The following SERPINB12 variants were observed in gnomAD, a reference collection of about 807,000 sequenced individuals.
SERPINB12 encodes the protein serpin family B member 12, also known as serpin B12.
SERPINB12 carries 57 observed loss-of-function variants against 41.1 expected under a neutral mutation model. That is an observed-to-expected ratio of 1.39 (90% CI 1.12 to 1.73). The LOEUF (loss-of-function observed/expected upper bound fraction) is 1.73, where lower values mean the gene tolerates loss of function less well. SERPINB12 is among the 40% of genes most tolerant of loss of function. The probability of loss-of-function intolerance (pLI) is 0.00; values close to 1 mark genes in which losing one functional copy is unlikely to be tolerated. For missense variants in SERPINB12, 536 were observed against 501.9 expected, an observed-to-expected ratio of 1.07 and a Z score of -0.65; for synonymous variants, 180 against 181.3, an observed-to-expected ratio of 0.99 and a Z score of 0.06.
the SERPINB12 span, among the ~76,000 whole-genome samples, chr18:63,531,926 G>A: frequency 6.6e-6 from 1 of 152,178 alleles, no homozygotes; most frequent in Admixed American, 6.5e-5. Context: ...GTTTAGGGAT[G>A]ACTGTTACTT....
At chr18:63,529,210 G>A in the SERPINB12 span, among the ~76,000 whole-genome samples, 6 of 152,182 alleles carry the variant, frequency 3.9e-5, no homozygotes, top group African/African-American at 1.4e-4. Context: ...TTCAGGCAAG[G>A]GGAAGTTTTT....
At chr18:63,527,670 A>C in the SERPINB12 span, among the ~76,000 whole-genome samples, 1 of 152,120 alleles carries the variant, frequency 6.6e-6, no homozygotes, top group African/African-American at 2.4e-5. Flanking sequence ...AGTGTAGGCA[A>C]GTTGGTTTGC....
rs2144336496 is a variant in SERPINB12 at position 63,558,453 on chromosome 18, G to T, written c.270G>T (p.Gly90=). The change falls in exon 3 of 8, where the codon GGG becomes GGT. Residue 90 remains glycine, a synonymous_variant. Transcript: ENST00000382768. ...QKVLADSSLE[G]QKKTTEPLDQ... ...TGCTGGCTGACAGCTCTCTGGAGGG[G>T]CAGAAAAAAACGACAGAGCCTCTGG... is the stretch of plus-strand genomic sequence containing the variant. 1 of 1,613,174 alleles carries T rather than the reference G, an allele frequency of 6.2e-7. No individual in the cohort carries two copies. Among genetic ancestry groups the T allele is most frequent in the Non-Finnish European group, 8.5e-7 (1 of 1,179,636 alleles).
intron 5 of SERPINB12, among the ~76,000 whole-genome samples, 193 bp downstream of exon 5, chr18:63,561,395 C>T (rs923206369): frequency 4.6e-5 from 7 of 152,134 alleles, no homozygotes; most frequent in East Asian, 1.9e-4. Context: ...AGTTAAAAAA[C>T]GACAGATTCT....
At chr18:63,560,365 T>C (rs1426158764) in intron 4 of SERPINB12, among the ~76,000 whole-genome samples, 3 of 152,202 alleles carry the variant, frequency 2.0e-5, no homozygotes, top group Non-Finnish European at 2.9e-5. Flanking sequence ...CGTGACATGG[T>C]TGGTTAGAGC....
chr18:63,529,685 ATGTG>A, the SERPINB12 span, among the ~76,000 whole-genome samples: 1 of 149,960 alleles, frequency 6.7e-6, no homozygotes, highest in Non-Finnish European at 1.5e-5. Context: ...AGTGCTGTGT[ATGTG>A]TGTGTGTGTG....
At chr18:63,559,824 A>G in intron 4 of SERPINB12, 106 bp downstream of exon 4, 7 of 1,162,316 alleles carry the variant, frequency 6.0e-6, no homozygotes, top group Non-Finnish European at 7.5e-6. Flanking sequence ...AACCTCTTTG[A>G]CAGGATGATG....
chr18:63,523,924 G>A, the SERPINB12 span, among the ~76,000 whole-genome samples: 2 of 152,116 alleles, frequency 1.3e-5, no homozygotes, highest in Non-Finnish European at 2.9e-5. Context: ...CCAAGATATT[G>A]AATCTGAAAA....
upstream of SERPINB12, among the ~76,000 whole-genome samples, chr18:63,542,232 G>A (rs1487820134): frequency 1.2e-4 from 18 of 152,162 alleles, no homozygotes. Context: ...CTAAAGGAGT[G>A]ATAATGTAGA....
At chr18:63,521,376 C>T in the SERPINB12 span, among the ~76,000 whole-genome samples, 1 of 152,240 alleles carries the variant, frequency 6.6e-6, no homozygotes, top group South Asian at 2.1e-4. Context: ...TGGACCTGTC[C>T]CAGGTTGCTG....
At chr18:63,541,513 C>T (rs560491472), upstream of SERPINB12, among the ~76,000 whole-genome samples, 4 of 152,210 alleles carry the variant, frequency 2.6e-5, no homozygotes, top group African/African-American at 9.6e-5. Flanking sequence ...GAACTAAATG[C>T]CCTCAAAATA....
At chr18:63,552,888 T>C (rs1426188197) in intron 1 of SERPINB12, among the ~76,000 whole-genome samples, 5 of 152,254 alleles carry the variant, frequency 3.3e-5, no homozygotes, top group African/African-American at 7.2e-5. Flanking sequence ...TTATTTGCTA[T>C]GTTTTAGACT....
chr18:63,533,201 C>A, the SERPINB12 span, among the ~76,000 whole-genome samples: 1 of 152,164 alleles, frequency 6.6e-6, no homozygotes, highest in Non-Finnish European at 1.5e-5. Context: ...TGGTCTGGAA[C>A]CCCTAACCTC....
rs1394266834 is a variant in SERPINB12 at position 63,556,328 on chromosome 18, G to T, written c.168+1G>T. 1.2e-6 allele frequency: 2 copies of T among 1,613,268 alleles called. No homozygotes were observed. Among genetic ancestry groups the T allele is most frequent in the Non-Finnish European group, 1.7e-6 (2 of 1,179,522 alleles). On this transcript the variant is annotated splice_donor_variant, in intron 2 of 7. Coordinates refer to ENST00000382768, the MANE Select transcript of SERPINB12 (RefSeq NM_001307928.2). LOFTEE classifies it high-confidence loss of function. ...TGACAGTGCACATCAGATTGATGAG[G>T]TACGTGTCCACTAGGGTGCTACACA...
chr18:63,565,446 A>G lies in SERPINB12; in HGVS notation c.707A>G (p.Asn236Ser), dbSNP rs552119322. The change falls in exon 7 of 8, where the codon AAT (asparagine) becomes AGT (serine). Residue 236 changes from asparagine to serine, a missense_variant and splice_region_variant. Asn to Ser is a conservative substitution (Grantham distance 46). Coordinates refer to ENST00000382768, the MANE Select transcript of SERPINB12 (RefSeq NM_001307928.2). ...TVDAPFCLNA[N>S]ENKSVKMMTQ... Reference sequence around the variant, plus strand: ...GACCTCCTACCTTGACTACTACAGAATGAAAACAAGAGTGTGAAGATGATG... The same window carrying G: ...GACCTCCTACCTTGACTACTACAGAGTGAAAACAAGAGTGTGAAGATGATG... 1 of 1,612,622 alleles carries G rather than the reference A, an allele frequency of 6.2e-7. No individual in the cohort carries two copies. The highest frequency in any genetic ancestry group is 2.2e-5 in the East Asian group (1 of 44,848).
Position 63,567,968 on chromosome 18 carries a change from T to G in SERPINB12, c.*957T>G, listed in dbSNP as rs74430161. Among the ~76,000 whole-genome samples, 4,263 of 152,288 alleles carry G rather than the reference T, an allele frequency of 0.028. 277 individuals are homozygous for G. In the East Asian group the frequency reaches 0.29, roughly 10 times the overall value. On this transcript the variant is annotated 3_prime_UTR_variant, in exon 8 of 8. Coordinates refer to ENST00000382768, the MANE Select transcript of SERPINB12 (RefSeq NM_001307928.2). ...CTCTGCCTTCTGGCCACGTGGAGGC[T>G]GGCCTCCGTGTGCCCCTCTCTCTGC... is the stretch of plus-strand genomic sequence containing the variant.
chr18:63,550,379 A>G (rs1160000330), intron 1 of SERPINB12, among the ~76,000 whole-genome samples: 2 of 152,164 alleles, frequency 1.3e-5, no homozygotes, highest in Non-Finnish European at 2.9e-5. Flanking sequence ...CCAAAATTTC[A>G]TTTTGAAAAA....
chr18:63,535,521 T>A, the SERPINB12 span, among the ~76,000 whole-genome samples: 265 of 152,234 alleles, frequency 1.7e-3, no homozygotes, highest in African/African-American at 6.1e-3. Flanking sequence ...AAATGTTAAT[T>A]CCATGAAAGT....
chr18:63,556,244 T>G lies in SERPINB12; in HGVS notation c.85T>G (p.Phe29Val). 6.2e-7 allele frequency: 1 copy of G among 1,614,054 alleles called. No homozygotes were observed. The highest frequency in any genetic ancestry group is 8.5e-7 in the Non-Finnish European group (1 of 1,179,942). The change falls in exon 2 of 8, where the codon TTT becomes GTT. Residue 29 changes from phenylalanine to valine, a missense_variant. Transcript: ENST00000382768. ...IGKDDRHKNI[F>V]FSPLSLSAAL... Reference sequence around the variant, plus strand: ...CAAAGATGATCGTCATAAAAACATATTTTTCTCTCCCCTGAGCCTCTCAGC... The same window carrying G: ...CAAAGATGATCGTCATAAAAACATAGTTTTCTCTCCCCTGAGCCTCTCAGC...
Sources: gnomAD v4.1 joint callset for allele counts (sites outside exome capture counted in the v4.1 genomes callset) on GRCh38, gnomAD v4.1.1 for gene constraint, MANE v1.5 for transcripts, NCBI Gene and HGNC (gene_info 2026-07-23, HGNC 2026-07-21) for gene names.